Variants in LARP4B observed in about 807,000 individuals in gnomAD.
LARP4B encodes La ribonucleoprotein 4B, also known as la-related protein 4B.
A neutral mutation model predicts 89.8 loss-of-function variants in LARP4B; 12 were observed. That is an observed-to-expected ratio of 0.13 (90% confidence interval 0.09 to 0.22). The LOEUF (loss-of-function observed/expected upper bound fraction) is 0.22, where lower values mean the gene tolerates loss of function less well. LARP4B is among the 10% of genes least tolerant of loss of function. The pLI is 1.00. For synonymous variants in LARP4B, 367 were observed against 363.3 expected (o/e 1.01, Z -0.12); for missense variants, 757 against 947.7 (o/e 0.80, Z 2.64).
the LARP4B span, among the ~76,000 whole-genome samples, chr10:984,719 T>A: frequency 1.3e-5 from 2 of 152,078 alleles, no homozygotes; most frequent in Admixed American, 1.3e-4. Context: ...ACCAAACAAT[T>A]CATGACCAGC....
the LARP4B span, among the ~76,000 whole-genome samples, chr10:970,351 C>T: frequency 0.023 from 3,505 of 152,282 alleles, 60 homozygotes; most frequent in Admixed American, 0.046. Context: ...AGAACACTAA[C>T]ACCCATCTTT....
rs1831905772 is a variant in LARP4B, at chr10:814,372, T to C, written c.1929+370A>G. ...GGTGGGGCCACCATCTTGCTCTTCC[T>C]GTCTCTTCATCAGACACACGATGCG... On this transcript the variant is annotated intron_variant, in intron 17 of 17. Coordinates refer to ENST00000316157, the MANE Select transcript of LARP4B (RefSeq NM_015155.3). The surrounding 1 kb of genome is among the most constrained non-coding windows in gnomAD (Gnocchi z 4.4). 7 of 348,366 alleles carry C rather than the reference T, an allele frequency of 2.0e-5. No homozygotes were observed. The highest frequency in any genetic ancestry group is 1.6e-4 in the South Asian group (7 of 43,580). 21.6% of individuals were successfully genotyped at this position (348,366 alleles called of 1,614,324 possible). A position where few individuals can be genotyped will look rare whatever the true frequency, so the allele number is the denominator to read the frequency against.
intron 1 of LARP4B, among the ~76,000 whole-genome samples, chr10:888,079 G>C (rs954129779): frequency 2.0e-5 from 3 of 151,882 alleles, no homozygotes. Flanking sequence ...CAGCACTTTG[G>C]GAGGCCAAGG....
Position 890,604 on chromosome 10 carries a change from G to A in LARP4B, c.-39-4844C>T, listed in dbSNP as rs116716618. On this transcript the variant is annotated intron_variant, in intron 1 of 17. Coordinates refer to ENST00000316157, the MANE Select transcript of LARP4B (RefSeq NM_015155.3). ...CTAACTTGTAGAAGACACAGATTTC[G>A]GGAACATCTGGACTGAGATTCTAGG... is the stretch of plus-strand genomic sequence containing the variant. Among the ~76,000 whole-genome samples, 205 of 152,224 alleles carry A rather than the reference G, an allele frequency of 1.3e-3. 1 individual carries two copies. Among genetic ancestry groups the A allele is most frequent in the African/African-American group, 4.8e-3 (200 of 41,538 alleles).
chr10:985,293 T>A, the LARP4B span: 2 of 152,250 alleles, frequency 1.3e-5, no homozygotes, highest in Admixed American at 1.3e-4. Flanking sequence ...AAGCAGCTAA[T>A]AAGAACATAG....
chr10:817,937 A>G, intron 14 of LARP4B, 48 bp from the exon 15 acceptor site: 1 of 1,562,010 alleles, frequency 6.4e-7, no homozygotes, highest in Non-Finnish European at 8.7e-7. Context: ...AGAGAAGGCC[A>G]AGCAGCTTCT....
At chr10:920,921 G>A (rs538144573) in intron 1 of LARP4B, among the ~76,000 whole-genome samples, 70 of 152,040 alleles carry the variant, frequency 4.6e-4, no homozygotes, top group Non-Finnish European at 7.9e-4. Context: ...TAAACATTTC[G>A]TAAATATATG....
chr10:897,861 G>A (rs574163131), intron 1 of LARP4B, among the ~76,000 whole-genome samples: 2 of 151,800 alleles, frequency 1.3e-5, no homozygotes, highest in African/African-American at 4.8e-5. Context: ...GGTAGTGGGC[G>A]CCTATAATCT....
intron 5 of LARP4B, among the ~76,000 whole-genome samples, chr10:845,583 T>C (rs1268649611): frequency 1.3e-5 from 2 of 152,174 alleles, no homozygotes; most frequent in Admixed American, 6.5e-5. Context: ...ACAGAATTCC[T>C]GTAAGAGAAT....
chr10:929,053 T>C (rs561660802), intron 1 of LARP4B, among the ~76,000 whole-genome samples: 22 of 152,320 alleles, frequency 1.4e-4, no homozygotes, highest in African/African-American at 5.3e-4. Flanking sequence ...ATTACATTTC[T>C]CCCTGAATTT....
At chr10:972,963 T>A in the LARP4B span, 1 of 439,606 alleles carries the variant, frequency 2.3e-6, no homozygotes. Context: ...GCTCAGTTCC[T>A]CCCCGTGCAG....
At chr10:826,010 AT>A (rs1388407208) in intron 11 of LARP4B, 140 bp from the exon 12 acceptor site, 6 of 622,032 alleles carry the variant, frequency 9.6e-6, no homozygotes, top group South Asian at 2.0e-5. Context: ...GTATTTTACA[AT>A]TTTATCACCA....
intron 8 of LARP4B, among the ~76,000 whole-genome samples, chr10:834,869 G>A (rs1472286512): frequency 1.3e-5 from 2 of 151,624 alleles, no homozygotes; most frequent in East Asian, 1.9e-4. Context: ...GCTGGTCCTC[G>A]GCCGGGCGCG....
chr10:930,704 CTTTA>C (rs1036524556), intron 1 of LARP4B, among the ~76,000 whole-genome samples: 1 of 152,166 alleles, frequency 6.6e-6, no homozygotes, highest in African/African-American at 2.4e-5. Flanking sequence ...TCACATCTGA[CTTTA>C]TTTTTTTAAC....
At chr10:832,112 C>T (rs564204687) in intron 8 of LARP4B, among the ~76,000 whole-genome samples, 76 of 152,282 alleles carry the variant, frequency 5.0e-4, no homozygotes, top group African/African-American at 1.7e-3. Flanking sequence ...GGCGCTATCT[C>T]GGCTCACTGC....
the LARP4B span, among the ~76,000 whole-genome samples, chr10:969,603 G>A: frequency 9.9e-5 from 15 of 152,062 alleles, no homozygotes; most frequent in South Asian, 2.1e-4. Flanking sequence ...GGTGGCACAC[G>A]CCTGTAGTCC....
At chr10:903,335 CA>C (rs2131993601) in intron 1 of LARP4B, 1 of 152,330 alleles carries the variant, frequency 6.6e-6, no homozygotes, top group East Asian at 1.9e-4. Flanking sequence ...GTTTCACATG[CA>C]ATCTTACCTT....
chr10:940,257 T>C, the LARP4B span, among the ~76,000 whole-genome samples: 1 of 152,204 alleles, frequency 6.6e-6, no homozygotes, highest in African/African-American at 2.4e-5. Context: ...CCTCAGGTAA[T>C]CCGCCTGCCT....
chr10:808,303 C>T (rs988297846), downstream of LARP4B: 2 of 152,210 alleles, frequency 1.3e-5, no homozygotes, highest in African/African-American at 2.4e-5. Context: ...AAATATACTT[C>T]GAGTTAATAC....
Sources: allele counts gnomAD v4.1 joint callset (sites outside exome capture counted in the v4.1 genomes callset), GRCh38; gene constraint gnomAD v4.1.1; non-coding constraint Gnocchi (gnomAD v3.1); transcripts MANE v1.5; gene names NCBI Gene and HGNC (gene_info 2026-07-23, HGNC 2026-07-21).